The following MRPL21 variants were observed in gnomAD, a reference collection of about 807,000 sequenced individuals.
The protein encoded by MRPL21 is mitochondrial ribosomal protein L21, also known as large ribosomal subunit protein bL21m.
Under a neutral mutation model 27.3 loss-of-function variants are expected in MRPL21, and 20 were observed. The observed-to-expected ratio is 0.73, with a 90% CI of 0.52 to 1.06. MRPL21 has a LOEUF of 1.06. MRPL21 is among the 50% of genes least tolerant of loss of function. The pLI is 0.00. For missense variants in MRPL21, 249 were observed against 251.4 expected (o/e 0.99, Z 0.06); for synonymous variants, 98 against 101.5 (o/e 0.97, Z 0.21).
At chr11:68,893,267 T>C in intron 5 of MRPL21, 136 bp downstream of exon 5, 2 of 1,490,362 alleles carry the variant, frequency 1.3e-6, no homozygotes, top group South Asian at 1.3e-5. Context: ...TCCACTATTA[T>C]TAAGTATAAA....
chr11:68,892,807 C>A, intron 6 of MRPL21, 83 bp downstream of exon 6: 1 of 1,562,116 alleles, frequency 6.4e-7, no homozygotes, highest in Non-Finnish European at 8.7e-7. Flanking sequence ...TCCCGAGACC[C>A]ACGTGCCCCA....
intron 2 of MRPL21, 151 bp from the exon 3 acceptor site, chr11:68,898,163 C>A: frequency 1.5e-6 from 1 of 662,510 alleles, no homozygotes; most frequent in Non-Finnish European, 2.7e-6. Flanking sequence ...TGGGGTAACC[C>A]CGAGGACAGG....
At position 68,894,425 on chromosome 11, in the gene MRPL21, C is replaced by T. The variant is rs140992387; in HGVS notation, c.397-970G>A. Reference sequence around the variant, plus strand: ...CCCCCTGAGTAGCTGGGACTACAGGCGCCCACCACAAACCCCGGCTAATTT... The same window carrying T: ...CCCCCTGAGTAGCTGGGACTACAGGTGCCCACCACAAACCCCGGCTAATTT... On this transcript the variant is annotated intron_variant, in intron 4 of 6. Coordinates refer to ENST00000362034, the MANE Select transcript of MRPL21 (RefSeq NM_181514.2). 2.3e-3 allele frequency among the ~76,000 whole-genome samples: 355 copies of T among 152,276 alleles called. 1 individual carries two copies. Among genetic ancestry groups the T allele is most frequent in the African/African-American group, 7.4e-3 (306 of 41,556 alleles).
At position 68,897,934 on chromosome 11, in the gene MRPL21, G is replaced by T. The variant is rs1341918165; in HGVS notation, c.225C>A (p.His75Gln). ...CTCCCAGGGAGGTCTTACCTGCATG[G>T]TGTCTGGTCTCCTCAACTGGGTCTG... is the stretch of plus-strand genomic sequence containing the variant. ...VLPDPVEETR[H>Q]HAEVVKKVNE... Residue 75 changes from histidine (H) to glutamine (Q), a missense_variant, in exon 3 of 7, where the codon CAC (histidine) becomes CAA (glutamine). Physicochemically the swap from His to Gln is conservative, Grantham distance 24. Transcript: ENST00000362034. 1 of 1,613,964 alleles carries T rather than the reference G, an allele frequency of 6.2e-7. No homozygotes were observed. Among genetic ancestry groups the T allele is most frequent in the East Asian group, 2.2e-5 (1 of 44,884 alleles).
At chr11:68,891,960 T>C in intron 6 of MRPL21, 1 of 733,780 alleles carries the variant, frequency 1.4e-6, no homozygotes, top group Non-Finnish European at 2.0e-6. Flanking sequence ...AGTGCAGACC[T>C]GCTAGGACAG....
At chr11:68,891,751 C>A in intron 6 of MRPL21, 2 of 513,168 alleles carry the variant, frequency 3.9e-6, no homozygotes, top group Non-Finnish European at 3.5e-6. Context: ...ATGAGAGGCT[C>A]CCCTACCCAG....
intron 1 of MRPL21, among the ~76,000 whole-genome samples, 172 bp from the exon 2 acceptor site, chr11:68,900,777 C>T (rs1175759256): frequency 1.3e-5 from 2 of 152,238 alleles, no homozygotes; most frequent in African/African-American, 4.8e-5. Flanking sequence ...TCACTTACAG[C>T]TACTGGTTAT....
intron 4 of MRPL21, among the ~76,000 whole-genome samples, chr11:68,894,421 C>T (rs1176274615): frequency 6.6e-6 from 1 of 152,124 alleles, no homozygotes; most frequent in Non-Finnish European, 1.5e-5. Context: ...GCTGGGACTA[C>T]AGGCGCCCAC....
chr11:68,896,583 A>G lies in MRPL21; in HGVS notation c.328T>C (p.Ser110Pro). The G allele has an allele frequency of 1.9e-6, 3 of 1,614,228 alleles. No homozygotes were observed. Among genetic ancestry groups the G allele is most frequent in the South Asian group, 1.1e-5 (1 of 91,090 alleles). Residue 110 changes from serine to proline, a missense_variant, in exon 4 of 7, where the codon TCT becomes CCT. Ser to Pro is a moderately conservative substitution (Grantham distance 74). Coordinates refer to ENST00000362034, the MANE Select transcript of MRPL21 (RefSeq NM_181514.2). ...HFASRQWKVT[S>P]EDLILIGNEL... ...TTTCCAATTAAGATCAGGTCTTCAG[A>G]GGTCACCTTCCACTGGCGGCTGGCA...
rs1857807916 is a variant in MRPL21, at chr11:68,896,979, C to T, written c.233-301G>A. On this transcript the variant is annotated intron_variant, in intron 3 of 6. Transcript: ENST00000362034. ...GCCTCATGCAACTCCCTCGCCTAAG[C>T]ACTCGGCACGCCTGGCTAGGTTTCT... The T allele has an allele frequency of 6.6e-6, 3 of 454,282 alleles. No individual in the cohort carries two copies. The South Asian group carries it at 1.0e-4, about 15-fold the overall frequency. 28.1% of individuals were successfully genotyped at this position (454,282 alleles called of 1,614,324 possible).
intron 1 of MRPL21, 63 bp from the exon 2 acceptor site, chr11:68,900,668 T>C: frequency 7.4e-7 from 1 of 1,353,524 alleles, no homozygotes; most frequent in Non-Finnish European, 1.1e-6. Context: ...CTGCCCTTTA[T>C]GATGCTAAAT....
chr11:68,903,772 C>T lies in MRPL21; in HGVS notation c.39G>A (p.Leu13=). The change falls in exon 1 of 7, where the codon CTG becomes CTA. Residue 13 remains leucine (L), a synonymous_variant. Transcript: ENST00000362034. The stretch of plus-strand genomic sequence containing the variant: ...GGATGCTGTGGCTGCACGCGGACGC[C>T]AGCCGCCCTAAGGTGACCGTCAGGG... ...ASSLTVTLGR[L]ASACSHSILR... is the part of the protein sequence containing the mutation. 1 of 1,613,096 alleles carries T rather than the reference C, an allele frequency of 6.2e-7. No individual in the cohort carries two copies. Among genetic ancestry groups the T allele is most frequent in the Non-Finnish European group, 8.5e-7 (1 of 1,180,020 alleles).
At position 68,900,585 on chromosome 11, in the gene MRPL21, G is replaced by A. The variant is rs137864766; in HGVS notation, c.109C>T (p.Arg37Ter). Residue 37 changes from arginine (R) to a stop codon, truncating the protein, a stop_gained, in exon 2 of 7, where the codon CGA (arginine) becomes TGA (stop). Transcript: ENST00000362034. LOFTEE classifies it high-confidence loss of function. ...GAAGTGCTCTGTGAATTGAACCTTC[G>A]AGAAGCAGACCAAAGGGAGGCTGAG... The part of the protein sequence containing the change: ...PGAASLWSAS[R>*]RFNSQSTSYL... The A allele has an allele frequency of 3.3e-5, 53 of 1,613,708 alleles. No individual in the cohort carries two copies. Among genetic ancestry groups the A allele is most frequent in the South Asian group, 3.3e-5 (3 of 91,056 alleles).
chr11:68,895,240 GACA>G (rs1401910654), intron 4 of MRPL21, among the ~76,000 whole-genome samples: 5 of 152,040 alleles, frequency 3.3e-5, no homozygotes, highest in African/African-American at 1.2e-4. Context: ...CTCCAGCCTG[GACA>G]ACAAGAGCAA....
chr11:68,891,469 ACAGCCCTCCC>A (rs1857645415), intron 6 of MRPL21, 74 bp from the exon 7 acceptor site: 2 of 1,485,108 alleles, frequency 1.3e-6, no homozygotes, highest in Admixed American at 3.3e-5. Context: ...GGCTCTGCAC[ACAGCCCTCCC>A]CAGCCAGCGC....
At chr11:68,903,287 T>C (rs1049920993) in intron 1 of MRPL21, among the ~76,000 whole-genome samples, 4 of 152,218 alleles carry the variant, frequency 2.6e-5, no homozygotes, top group African/African-American at 9.6e-5. Context: ...GCGCCTTAAA[T>C]ACGGCTGTTT....
intron 2 of MRPL21, among the ~76,000 whole-genome samples, chr11:68,898,898 C>T (rs1381470243): frequency 6.6e-6 from 1 of 152,194 alleles, no homozygotes; most frequent in African/African-American, 2.4e-5. Context: ...AGCGATTCTC[C>T]TGCCTCAGTC....
chr11:68,891,468 C>T, intron 6 of MRPL21, 73 bp from the exon 7 acceptor site: 1 of 1,485,568 alleles, frequency 6.7e-7, no homozygotes, highest in Non-Finnish European at 9.4e-7. Context: ...GGGCTCTGCA[C>T]ACAGCCCTCC....
In MRPL21 at chr11:68,891,398, G is replaced by A. The variant is rs375971704; in HGVS notation, c.554-3C>T. Reference sequence around the variant, plus strand: ...GACAGTCTGCGGGGTCGTGACGACTGAAAGAAAGGATGTCACAGGCTTGAC... The same window carrying A: ...GACAGTCTGCGGGGTCGTGACGACTAAAAGAAAGGATGTCACAGGCTTGAC... On this transcript the variant is annotated splice_polypyrimidine_tract_variant and splice_region_variant and intron_variant, in intron 6 of 6. Transcript: ENST00000362034. 1.9e-6 allele frequency: 3 copies of A among 1,613,842 alleles called. No homozygotes were observed. The African/African-American group carries it at 4.0e-5, about 22-fold the overall frequency.
Sources: allele counts gnomAD v4.1 joint callset (sites outside exome capture counted in the v4.1 genomes callset), GRCh38; gene constraint gnomAD v4.1.1; transcripts MANE v1.5; gene names NCBI Gene and HGNC (gene_info 2026-07-23, HGNC 2026-07-21).